Variants in UGT1A9 observed in about 807,000 individuals in gnomAD.
UGT1A9 encodes the protein UDP-glucuronosyltransferase 1A9.
In UGT1A9, 35 loss-of-function variants were observed where a neutral mutation model predicts 45.0. The observed-to-expected ratio is 0.78, with a 90% confidence interval of 0.59 to 1.03. The LOEUF is 1.03. UGT1A9 is among the 50% of genes least tolerant of loss of function. The probability of loss-of-function intolerance (pLI) is 0.00; values close to 1 mark genes in which losing one functional copy is unlikely to be tolerated. For missense variants in UGT1A9, 687 were observed against 666.6 expected (o/e 1.03, Z -0.34); for synonymous variants, 278 against 250.6 (o/e 1.11, Z -1.03).
At chr2:233,689,816 C>T (rs1484884597) in intron 1 of UGT1A9, 2 of 441,390 alleles carry the variant, frequency 4.5e-6, no homozygotes, top group East Asian at 7.0e-5. Flanking sequence ...GGAAACCAAA[C>T]ATCTCTGGAC....
At chr2:233,755,407 G>A (rs1260827425) in intron 1 of UGT1A9, 10 of 333,228 alleles carry the variant, frequency 3.0e-5, no homozygotes, top group Non-Finnish European at 4.1e-5. Context: ...CTCATTGGCC[G>A]AGGCCTGTGA....
At chr2:233,743,265 C>T (rs1186542660) in intron 1 of UGT1A9, 3 of 455,180 alleles carry the variant, frequency 6.6e-6, no homozygotes, top group Admixed American at 3.0e-5. Flanking sequence ...CATCTTCCTC[C>T]ACTTCCACCC....
chr2:233,737,006 T>G (rs924545231), intron 1 of UGT1A9, among the ~76,000 whole-genome samples: 1 of 152,144 alleles, frequency 6.6e-6, no homozygotes, highest in African/African-American at 2.4e-5. Flanking sequence ...GGGACCCGCT[T>G]GAGGAGGCAG....
chr2:233,693,934 T>G, intron 1 of UGT1A9: 2 of 1,606,124 alleles, frequency 1.2e-6, no homozygotes, highest in Non-Finnish European at 1.7e-6. Flanking sequence ...CTCATTTGGC[T>G]CCTTGAGCCG....
chr2:233,711,434 TAC>T (rs1559357703), intron 1 of UGT1A9, among the ~76,000 whole-genome samples: 5 of 152,176 alleles, frequency 3.3e-5, no homozygotes, highest in African/African-American at 1.2e-4. Context: ...TTAGGATGCA[TAC>T]AGTTTTAAGG....
intron 1 of UGT1A9, among the ~76,000 whole-genome samples, chr2:233,712,238 T>C (rs1464476015): frequency 6.6e-6 from 1 of 152,230 alleles, no homozygotes; most frequent in African/African-American, 2.4e-5. Context: ...CATGGGTCTT[T>C]GCTAGGGTTG....
intron 1 of UGT1A9, among the ~76,000 whole-genome samples, chr2:233,688,260 GC>G (rs1436774151): frequency 7.9e-5 from 12 of 152,166 alleles, no homozygotes; most frequent in African/African-American, 2.7e-4. Flanking sequence ...CCTTTACATG[GC>G]CGAATATTCC....
chr2:233,768,179 A>G, intron 3 of UGT1A9, 41 bp from the exon 4 acceptor site: 1 of 1,613,948 alleles, frequency 6.2e-7, no homozygotes, highest in East Asian at 2.2e-5. Context: ...TGTGAAACTC[A>G]GAGATGTAAC....
intron 1 of UGT1A9, chr2:233,743,281 T>C (rs1273336134): frequency 4.0e-6 from 2 of 496,058 alleles, no homozygotes; most frequent in East Asian, 1.4e-4. Flanking sequence ...CACCCTTTCT[T>C]GGCCATTCTC....
intron 1 of UGT1A9, among the ~76,000 whole-genome samples, chr2:233,726,020 TC>T (rs2125716931): frequency 6.6e-6 from 1 of 152,170 alleles, no homozygotes; most frequent in Admixed American, 6.5e-5. Flanking sequence ...CAAAAAATTA[TC>T]CAGGTGTGAT....
In UGT1A9 at chr2:233,672,234, A is replaced by G. The variant is rs897369639; in HGVS notation, c.300A>G (p.Ala100=). The G allele has an allele frequency of 1.2e-6, 2 of 1,614,032 alleles. No homozygotes were observed. Among genetic ancestry groups the G allele is most frequent in the Non-Finnish European group, 1.7e-6 (2 of 1,179,832 alleles). Residue 100 remains alanine (A), a synonymous_variant, in exon 1 of 5, where the codon GCA becomes GCG. Coordinates refer to ENST00000354728, the MANE Select transcript of UGT1A9 (RefSeq NM_021027.3). ...FKAFAHAQWK[A]QVRSIYSLLM... ...CTTTTGCCCATGCTCAATGGAAAGC[A>G]CAAGTACGAAGTATATATTCTCTAT... is the stretch of plus-strand genomic sequence containing the variant.
At chr2:233,707,049 C>T (rs1469327934) in intron 1 of UGT1A9, among the ~76,000 whole-genome samples, 2 of 152,080 alleles carry the variant, frequency 1.3e-5, no homozygotes, top group African/African-American at 4.8e-5. Context: ...GGAAGCTGCT[C>T]AGGTGGACAG....
chr2:233,726,841 G>A (rs1173515179), intron 1 of UGT1A9, among the ~76,000 whole-genome samples: 1 of 152,112 alleles, frequency 6.6e-6, no homozygotes, highest in African/African-American at 2.4e-5. Flanking sequence ...TTTAATTTTT[G>A]TTCCTTTTCT....
At chr2:233,751,299 A>G (rs528984436) in intron 1 of UGT1A9, among the ~76,000 whole-genome samples, 1 of 152,078 alleles carries the variant, frequency 6.6e-6, no homozygotes, top group South Asian at 2.1e-4. Context: ...TGGAATGGGA[A>G]TATTTACCCA....
intron 1 of UGT1A9, chr2:233,713,993 T>C: frequency 6.4e-7 from 1 of 1,564,404 alleles, no homozygotes; most frequent in Non-Finnish European, 8.7e-7. Context: ...TGTAATAGTC[T>C]TCAGTGAGAT....
chr2:233,693,151 C>T, intron 1 of UGT1A9: 1 of 1,614,208 alleles, frequency 6.2e-7, no homozygotes, highest in Non-Finnish European at 8.5e-7. Flanking sequence ...TTGAGGTTCT[C>T]AGTGACCGGG....
chr2:233,676,258 G>C (rs1428316791), intron 1 of UGT1A9, among the ~76,000 whole-genome samples: 1 of 152,134 alleles, frequency 6.6e-6, no homozygotes, highest in African/African-American at 2.4e-5. Flanking sequence ...ATTCACTGAT[G>C]AATCACCCCT....
At chr2:233,708,525 G>A (rs2076022371) in intron 1 of UGT1A9, 1 of 152,220 alleles carries the variant, frequency 6.6e-6, no homozygotes, top group African/African-American at 2.4e-5. Context: ...GCCGAAGCAG[G>A]AGGATAGCTT....
chr2:233,743,601 C>G (rs201940151), intron 1 of UGT1A9: 4 of 1,367,294 alleles, frequency 2.9e-6, no homozygotes, highest in Middle Eastern at 2.1e-4. Flanking sequence ...GGGTCCTGGC[C>G]GCCGAAGAAC....
Sources: gnomAD v4.1 joint callset for allele counts (sites outside exome capture counted in the v4.1 genomes callset) on GRCh38, gnomAD v4.1.1 for gene constraint, MANE v1.5 for transcripts, NCBI Gene and HGNC (gene_info 2026-07-23, HGNC 2026-07-21) for gene names.